The following ECT2L variants were observed in gnomAD, a reference collection of about 807,000 sequenced individuals.
ECT2L encodes epithelial cell transforming 2 like.
In ECT2L, 126 loss-of-function variants were observed where a neutral mutation model predicts 122.8. That is an observed-to-expected ratio of 1.03 (90% confidence interval 0.89 to 1.19). The LOEUF is 1.19. Among genes scored for constraint, ECT2L ranks in the 50% most tolerant of loss-of-function variants. The probability of loss-of-function intolerance (pLI) is 0.00; values close to 1 mark genes in which losing one functional copy is unlikely to be tolerated. For synonymous variants in ECT2L, 385 were observed against 381.8 expected (o/e 1.01, Z -0.10); for missense variants, 1,012 against 1,064.1 (o/e 0.95, Z 0.68).
In ECT2L at chr6:138,813,309, C is replaced by T. The variant is rs1775960749; in HGVS notation, c.35C>T (p.Thr12Ile). 3.1e-6 allele frequency: 5 copies of T among 1,612,156 alleles called. No individual in the cohort carries two copies. The highest frequency in any genetic ancestry group is 4.2e-6 in the Non-Finnish European group (5 of 1,179,534). The change falls in exon 3 of 22, where the codon ACA (threonine) becomes ATA (isoleucine). Residue 12 changes from threonine to isoleucine, a missense_variant. Transcript: ENST00000541398. ...TTCCACACCAGATTTAGTGCCTGGA[C>T]ACCTTTTAGCAACAAGTCATTAAAT... The part of the protein sequence containing the change: ...ESFHTRFSAW[T>I]PFSNKSLNRQ...
chr6:138,876,125 G>GAA (rs546586706), intron 13 of ECT2L, among the ~76,000 whole-genome samples: 2 of 131,754 alleles, frequency 1.5e-5, no homozygotes, highest in Non-Finnish European at 3.3e-5. Flanking sequence ...TCAAGAAAAA[G>GAA]AAAAAAAAAA....
intron 20 of ECT2L, among the ~76,000 whole-genome samples, chr6:138,892,180 G>T (rs949223846): frequency 6.6e-6 from 1 of 151,990 alleles, no homozygotes; most frequent in African/African-American, 2.4e-5. Context: ...TTTCAGCTTG[G>T]TAAGCTTCTG....
At chr6:138,799,769 T>C (rs1487517839) in intron 1 of ECT2L, among the ~76,000 whole-genome samples, 3 of 152,224 alleles carry the variant, frequency 2.0e-5, no homozygotes, top group Admixed American at 6.5e-5. Context: ...CAGGCTGATC[T>C]GGAACTCCTG....
At chr6:138,885,855 T>C (rs1452562623) in intron 18 of ECT2L, 25 bp downstream of exon 18, 9 of 1,602,984 alleles carry the variant, frequency 5.6e-6, no homozygotes, top group Non-Finnish European at 6.8e-6. Context: ...AGAATCTGTG[T>C]CCTTTAAACA....
rs1328107976 is a variant in ECT2L, at chr6:138,902,754, A to AC, written c.*130dup. 1 of 1,149,080 alleles carries AC rather than the reference A, an allele frequency of 8.7e-7. No homozygotes were observed. The highest frequency in any genetic ancestry group is 1.2e-6 in the Non-Finnish European group (1 of 801,902). The allele number at this position is 1,149,080 out of a possible 1,614,324, so 71.2% of individuals were successfully genotyped here. ...ATGGATGATGAGATAAACTAAGATG[A>AC]CCCATAGGATCTTTCCAACTTTTAA... On this transcript the variant is annotated 3_prime_UTR_variant, in exon 22 of 22. Coordinates refer to ENST00000541398, the MANE Select transcript of ECT2L (RefSeq NM_001077706.3).
At chr6:138,860,709 T>C (rs796895455) in intron 10 of ECT2L, among the ~76,000 whole-genome samples, 5,695 of 81,728 alleles carry the variant, frequency 0.07, 349 homozygotes, top group African/African-American at 0.15. Flanking sequence ...AAGGGGCTAT[T>C]TTTTTTTTTT....
chr6:138,896,697 G>C (rs1211095687), intron 20 of ECT2L, among the ~76,000 whole-genome samples: 2 of 152,182 alleles, frequency 1.3e-5, no homozygotes, highest in African/African-American at 4.8e-5. Flanking sequence ...GCCCAGGCTG[G>C]AGTGCAATGG....
intron 1 of ECT2L, among the ~76,000 whole-genome samples, chr6:138,804,210 C>G (rs900553105): frequency 6.6e-6 from 1 of 152,112 alleles, no homozygotes; most frequent in African/African-American, 2.4e-5. Context: ...ACAGACCATG[C>G]GTAATTGATT....
chr6:138,831,048 A>G (rs1014312720), intron 4 of ECT2L, among the ~76,000 whole-genome samples: 1 of 152,184 alleles, frequency 6.6e-6, no homozygotes, highest in African/African-American at 2.4e-5. Context: ...CAATGTGACT[A>G]TATTCTCTAT....
rs1203910179 is a variant in ECT2L, at chr6:138,895,560, AACAT to A, written c.2415-5386_2415-5383del. 3.4e-5 allele frequency among the ~76,000 whole-genome samples: 5 copies of A among 148,950 alleles called. No homozygotes were observed. The East Asian group carries it at 1.0e-3, about 30-fold the overall frequency. ...CTCACTAACATAGTAACAATTACTA[AACAT>A]ATATATATATATTTTTCTTTTTCTG... On this transcript the variant is annotated intron_variant, in intron 20 of 21. Transcript: ENST00000541398.
At position 138,847,355 on chromosome 6, in the gene ECT2L, C is replaced by CTTTTTTTT. The variant is rs1170631663; in HGVS notation, c.903+704_903+711dup. On this transcript the variant is annotated intron_variant, in intron 8 of 21. Coordinates refer to ENST00000541398, the MANE Select transcript of ECT2L (RefSeq NM_001077706.3). ...TTTGAAAAAGCATTAAAGGCCCAAA[C>CTTTTTTTT]TTTTTTTTTTTTTTTTTTTTTTTTT... is the stretch of plus-strand genomic sequence containing the variant. 1.6e-3 allele frequency among the ~76,000 whole-genome samples: 86 copies of CTTTTTTTT among 54,954 alleles called. 21 individuals carry two copies. The highest frequency in any genetic ancestry group is 5.0e-3 in the African/African-American group (61 of 12,290). 36.1% of individuals were successfully genotyped at this position (54,954 alleles called of 152,430 possible). A position where few individuals can be genotyped will look rare whatever the true frequency, so the allele number is the denominator to read the frequency against.
intron 13 of ECT2L, among the ~76,000 whole-genome samples, chr6:138,873,529 C>G (rs141955941): frequency 0.015 from 2,296 of 152,354 alleles, 40 homozygotes; most frequent in African/African-American, 0.048. Context: ...AGCAGCGGCT[C>G]ACGCCTGTAA....
At chr6:138,830,367 C>T (rs1468912958) in intron 4 of ECT2L, among the ~76,000 whole-genome samples, 2 of 152,090 alleles carry the variant, frequency 1.3e-5, no homozygotes, top group Non-Finnish European at 1.5e-5. Flanking sequence ...TTAGCTTTAC[C>T]GATGCAGTAT....
chr6:138,873,648 G>C (rs915418391), intron 13 of ECT2L, among the ~76,000 whole-genome samples: 1 of 152,108 alleles, frequency 6.6e-6, no homozygotes, highest in Non-Finnish European at 1.5e-5. Flanking sequence ...ACAAAAATTA[G>C]CTGGGCCTGG....
At chr6:138,890,582 T>C (rs1294808614) in intron 20 of ECT2L, among the ~76,000 whole-genome samples, 2 of 142,446 alleles carry the variant, frequency 1.4e-5, no homozygotes, top group Admixed American at 1.5e-4. Flanking sequence ...AACCAGCAAT[T>C]CTAAACACAC....
At chr6:138,819,233 A>T (rs1215017313) in intron 4 of ECT2L, among the ~76,000 whole-genome samples, 1 of 49,558 alleles carries the variant, frequency 2.0e-5, no homozygotes, top group Non-Finnish European at 3.5e-5. Context: ...GATGATGCTT[A>T]AAAAAAAAAA....
At chr6:138,824,317 C>A (rs1351669080) in intron 4 of ECT2L, among the ~76,000 whole-genome samples, 4 of 150,978 alleles carry the variant, frequency 2.6e-5, no homozygotes, top group Non-Finnish European at 4.4e-5. Flanking sequence ...TAAAAAAAAA[C>A]CCACTATGCT....
chr6:138,843,271 T>G (rs1777108516), intron 6 of ECT2L, 40 bp downstream of exon 6: 3 of 1,502,426 alleles, frequency 2.0e-6, no homozygotes, highest in Non-Finnish European at 1.8e-6. Flanking sequence ...AGGTAAATAT[T>G]GTAGACACAA....
intron 16 of ECT2L, among the ~76,000 whole-genome samples, chr6:138,883,777 A>G (rs536785607): frequency 2.0e-5 from 3 of 152,306 alleles, no homozygotes; most frequent in African/African-American, 7.2e-5. Context: ...TGGTGCCTAA[A>G]TTTTTTTAGC....
Sources: allele counts gnomAD v4.1 joint callset (sites outside exome capture counted in the v4.1 genomes callset), GRCh38; gene constraint gnomAD v4.1.1; transcripts MANE v1.5; gene names NCBI Gene and HGNC (gene_info 2026-07-23, HGNC 2026-07-21).